The following C12orf42 variants were observed in gnomAD, a reference collection of about 807,000 sequenced individuals.
The protein encoded by C12orf42 is chromosome 12 open reading frame 42.
Under a neutral mutation model 21.6 loss-of-function variants are expected in C12orf42, and 25 were observed. The ratio of observed to expected loss-of-function variants is 1.16; its 90% confidence interval spans 0.84 to 1.62. The LOEUF (loss-of-function observed/expected upper bound fraction) is 1.62, where lower values mean the gene tolerates loss of function less well. Among genes scored for constraint, C12orf42 ranks in the 40% most tolerant of loss-of-function variants. The pLI is 0.00. For missense variants in C12orf42, 483 were observed against 459.3 expected (o/e 1.05, Z -0.47); for synonymous variants, 174 against 175.0 (o/e 0.99, Z 0.05).
chr12:103,057,331 C>T, the C12orf42 span, among the ~76,000 whole-genome samples: 1 of 152,024 alleles, frequency 6.6e-6, no homozygotes, highest in Non-Finnish European at 1.5e-5. Flanking sequence ...AGTTATTTGT[C>T]CTAATGCTCT....
At chr12:103,462,793 G>A (rs892386331) in intron 2 of C12orf42, among the ~76,000 whole-genome samples, 2 of 152,162 alleles carry the variant, frequency 1.3e-5, no homozygotes, top group Non-Finnish European at 2.9e-5. Context: ...TAGGGTCATT[G>A]CTCTGATTAC....
chr12:103,267,589 G>C (rs536121637), downstream of C12orf42: 2 of 152,184 alleles, frequency 1.3e-5, no homozygotes, highest in African/African-American at 4.8e-5. Flanking sequence ...ACCTTTCAAA[G>C]TAATTAATTT....
At chr12:103,555,741 A>G in the C12orf42 span, among the ~76,000 whole-genome samples, 1 of 152,128 alleles carries the variant, frequency 6.6e-6, no homozygotes, top group Non-Finnish European at 1.5e-5. Flanking sequence ...GCCCTGGTGT[A>G]GAACATGCAT....
At position 103,481,003 on chromosome 12, in the gene C12orf42, GTCTT is replaced by G. The variant is rs556107023; in HGVS notation, c.-21-2560_-21-2557del. 6.5e-3 allele frequency among the ~76,000 whole-genome samples: 980 copies of G among 151,534 alleles called. 7 individuals are homozygous for G. Among genetic ancestry groups the G allele is most frequent in the Non-Finnish European group, 8.8e-3 (596 of 67,598 alleles). On this transcript the variant is annotated intron_variant, in intron 1 of 5. Coordinates refer to ENST00000548883, the MANE Select transcript of C12orf42 (RefSeq NM_198521.5). The stretch of plus-strand genomic sequence containing the variant: ...TTAAAATCTCCCACTAATGTATTGG[GTCTT>G]TCTATTTTTTTCTGTAGTTCAGTCA...
chr12:103,296,268 A>G (rs188414809), intron 4 of C12orf42, among the ~76,000 whole-genome samples: 1 of 152,022 alleles, frequency 6.6e-6, no homozygotes, highest in Admixed American at 6.6e-5. Flanking sequence ...TATCATTGAT[A>G]GACATTTGGG....
chr12:103,236,993 G>A (rs912362142), downstream of C12orf42, among the ~76,000 whole-genome samples: 2 of 152,268 alleles, frequency 1.3e-5, no homozygotes, highest in South Asian at 2.1e-4. Flanking sequence ...CAATGTCTGC[G>A]CTCTGCAAAA....
At chr12:103,541,094 G>T in the C12orf42 span, among the ~76,000 whole-genome samples, 17 of 151,980 alleles carry the variant, frequency 1.1e-4, no homozygotes, top group Non-Finnish European at 1.8e-4. Flanking sequence ...AGTAGAGATG[G>T]AGTTTCACCA....
chr12:103,063,942 C>A, the C12orf42 span, among the ~76,000 whole-genome samples: 20 of 152,078 alleles, frequency 1.3e-4, no homozygotes, highest in African/African-American at 4.8e-4. Flanking sequence ...AATGTTGTAG[C>A]TCAGGGAGTT....
rs1387525166 is a variant in C12orf42 at position 103,441,743 on chromosome 12, A to G, written c.78+36606T>C. ...TATTCAGATGAGCAAATGTGAAAACAGGAAATGTGTTCTCAAATGACAGAA... is the reference window on the plus strand; with the variant it reads ...TATTCAGATGAGCAAATGTGAAAACGGGAAATGTGTTCTCAAATGACAGAA... On this transcript the variant is annotated intron_variant, in intron 2 of 5. Coordinates refer to ENST00000548883, the MANE Select transcript of C12orf42 (RefSeq NM_198521.5). 2.6e-5 allele frequency: 4 copies of G among 152,224 alleles called. 1 individual carries two copies. The East Asian group carries it at 7.7e-4, about 29-fold the overall frequency. 9.4% of individuals were successfully genotyped at this position (152,224 alleles called of 1,614,324 possible).
intron 10 of C12orf42, among the ~76,000 whole-genome samples, chr12:103,260,402 G>A (rs1255329692): frequency 6.6e-6 from 1 of 152,094 alleles, no homozygotes; most frequent in African/African-American, 2.4e-5. Context: ...AAGGCAAGTC[G>A]ACTTGCCCAG....
chr12:103,102,441 G>A, the C12orf42 span, among the ~76,000 whole-genome samples: 15 of 152,210 alleles, frequency 9.9e-5, no homozygotes, highest in Admixed American at 2.6e-4. Flanking sequence ...GGACTGAGCC[G>A]TTACAGTAAC....
chr12:103,451,252 G>A (rs1163426067), intron 2 of C12orf42, among the ~76,000 whole-genome samples: 1 of 151,316 alleles, frequency 6.6e-6, no homozygotes, highest in Non-Finnish European at 1.5e-5. Context: ...TTTGAGACAG[G>A]GTCTCACTCT....
At chr12:103,277,777 G>A (rs761966532) in intron 4 of C12orf42, among the ~76,000 whole-genome samples, 8 of 151,802 alleles carry the variant, frequency 5.3e-5, no homozygotes, top group Non-Finnish European at 8.8e-5. Context: ...CCGCCAAAAC[G>A]CCCGGCTAAT....
intron 4 of C12orf42, among the ~76,000 whole-genome samples, chr12:103,337,542 C>T (rs1029598066): frequency 3.3e-5 from 5 of 152,112 alleles, no homozygotes; most frequent in East Asian, 3.9e-4. Flanking sequence ...TTAGTAGAGA[C>T]GGGGTTTCAC....
chr12:103,069,363 C>A, the C12orf42 span, among the ~76,000 whole-genome samples: 3,418 of 151,930 alleles, frequency 0.022, 57 homozygotes, highest in African/African-American at 0.044. Flanking sequence ...GTATATAATA[C>A]GTTAAAATTA....
downstream of C12orf42, among the ~76,000 whole-genome samples, chr12:103,265,799 C>CTGTCTTGTTT (rs1555240298): frequency 6.7e-6 from 1 of 150,172 alleles, no homozygotes; most frequent in Non-Finnish European, 1.5e-5. Flanking sequence ...ATTTCTTAGG[C>CTGTCTTGTTT]TGTTTTGTTT....
chr12:103,084,329 T>G, the C12orf42 span, among the ~76,000 whole-genome samples: 3 of 152,318 alleles, frequency 2.0e-5, no homozygotes, highest in South Asian at 4.1e-4. Context: ...TTTAAAACAA[T>G]GTCCCCACTG....
the C12orf42 span, among the ~76,000 whole-genome samples, chr12:103,118,826 T>C: frequency 9.6e-4 from 142 of 148,102 alleles, no homozygotes; most frequent in Middle Eastern, 7.1e-3. Flanking sequence ...TACTATCAGA[T>C]GGTATGCCTT....
At chr12:103,110,104 T>C in the C12orf42 span, among the ~76,000 whole-genome samples, 1 of 152,194 alleles carries the variant, frequency 6.6e-6, no homozygotes, top group Non-Finnish European at 1.5e-5. Flanking sequence ...AAGGTTTGCA[T>C]GGGAATCAGA....
Sources: gnomAD v4.1 joint callset for allele counts (sites outside exome capture counted in the v4.1 genomes callset) on GRCh38, gnomAD v4.1.1 for gene constraint, MANE v1.5 for transcripts, NCBI Gene and HGNC (gene_info 2026-07-23, HGNC 2026-07-21) for gene names.